TENM2: variants seen among roughly 807,000 people sequenced by gnomAD.
TENM2 encodes teneurin transmembrane protein 2.
Under a neutral mutation model 245.2 loss-of-function variants are expected in TENM2, and 52 were observed. That is an observed-to-expected ratio of 0.21 (90% CI 0.17 to 0.27). The LOEUF (loss-of-function observed/expected upper bound fraction) is 0.27, where lower values mean the gene tolerates loss of function less well. TENM2 is among the 10% of genes least tolerant of loss of function. The probability of loss-of-function intolerance (pLI) is 1.00; values close to 1 mark genes in which losing one functional copy is unlikely to be tolerated. For missense variants in TENM2, 3,046 were observed against 3,666.8 expected (o/e 0.83, Z 4.37); for synonymous variants, 1,363 against 1,438.9 (o/e 0.95, Z 1.19).
the TENM2 span, among the ~76,000 whole-genome samples, chr5:166,980,779 A>G: frequency 2.0e-5 from 3 of 152,196 alleles, no homozygotes; most frequent in African/African-American, 7.2e-5. Context: ...CTGTACATGT[A>G]TCATCATCCT....
At chr5:167,936,111 C>T (rs1236106945) in intron 3 of TENM2, among the ~76,000 whole-genome samples, 2 of 152,108 alleles carry the variant, frequency 1.3e-5, no homozygotes, top group Non-Finnish European at 2.9e-5. Context: ...GATGAAAAAC[C>T]GCCTTGTATG....
intron 2 of TENM2, among the ~76,000 whole-genome samples, chr5:167,466,390 C>A (rs1018126136): frequency 7.2e-5 from 11 of 152,172 alleles, no homozygotes; most frequent in Non-Finnish European, 8.8e-5. Context: ...CATAGTCCTA[C>A]AATGTCTAAT....
chr5:167,749,211 A>G (rs1170307128), intron 2 of TENM2, among the ~76,000 whole-genome samples: 5 of 152,240 alleles, frequency 3.3e-5, no homozygotes, highest in Admixed American at 3.3e-4. Flanking sequence ...TATACAAGGC[A>G]TTATACTAAG....
At chr5:168,177,291 T>A (rs1237063651) in intron 13 of TENM2, among the ~76,000 whole-genome samples, 7 of 152,224 alleles carry the variant, frequency 4.6e-5, no homozygotes, top group Non-Finnish European at 2.9e-5. Flanking sequence ...AACAAATGGT[T>A]ACTATACAAC....
At chr5:168,105,613 G>A (rs1416430857) in intron 9 of TENM2, among the ~76,000 whole-genome samples, 5 of 152,088 alleles carry the variant, frequency 3.3e-5, no homozygotes, top group Non-Finnish European at 5.9e-5. Context: ...CAGGGAATAC[G>A]GAGAAAATTC....
At chr5:167,330,693 A>G (rs1280485396) in intron 1 of TENM2, among the ~76,000 whole-genome samples, 1 of 152,204 alleles carries the variant, frequency 6.6e-6, no homozygotes, top group East Asian at 1.9e-4. Flanking sequence ...AGATGCTCCA[A>G]ATCTGAGGAT....
intron 2 of TENM2, among the ~76,000 whole-genome samples, chr5:167,640,760 A>G (rs2150246750): frequency 6.7e-6 from 1 of 148,460 alleles, no homozygotes; most frequent in East Asian, 2.0e-4. Context: ...AGATTCTGAC[A>G]CTGAAATTCC....
chr5:167,804,234 AT>A (rs1583051964), intron 2 of TENM2, among the ~76,000 whole-genome samples: 1 of 152,042 alleles, frequency 6.6e-6, no homozygotes, highest in African/African-American at 2.4e-5. Flanking sequence ...ATGTATTTAA[AT>A]TTATTTTTTC....
At chr5:168,154,547 G>A (rs376379476) in intron 12 of TENM2, among the ~76,000 whole-genome samples, 3 of 152,176 alleles carry the variant, frequency 2.0e-5, no homozygotes, top group African/African-American at 7.2e-5. Context: ...TTATTCAAAT[G>A]TGAAAGGATT....
intron 5 of TENM2, among the ~76,000 whole-genome samples, chr5:168,036,641 A>T (rs1323644661): frequency 7.4e-5 from 8 of 108,668 alleles, no homozygotes; most frequent in Middle Eastern, 4.3e-3. Flanking sequence ...CATCAAAAAA[A>T]AAATATATAT....
the TENM2 span, among the ~76,000 whole-genome samples, chr5:167,130,207 G>A: frequency 2.0e-5 from 3 of 152,124 alleles, no homozygotes; most frequent in Admixed American, 2.0e-4. Flanking sequence ...ACTATGTAAA[G>A]AATAATACAA....
intron 5 of TENM2, among the ~76,000 whole-genome samples, chr5:167,999,545 C>G (rs1394117397): frequency 6.6e-6 from 1 of 152,214 alleles, no homozygotes; most frequent in Admixed American, 6.5e-5. Context: ...CATTCATTAG[C>G]TAGGTCTCCA....
the TENM2 span, among the ~76,000 whole-genome samples, chr5:167,181,393 A>T: frequency 6.7e-6 from 1 of 148,974 alleles, no homozygotes; most frequent in Admixed American, 6.7e-5. Context: ...TTTTGAATCA[A>T]CACAAGTGTT....
intron 2 of TENM2, among the ~76,000 whole-genome samples, chr5:167,748,599 T>C (rs1761745740): frequency 6.6e-6 from 1 of 152,032 alleles, no homozygotes; most frequent in African/African-American, 2.4e-5. Flanking sequence ...GCTATTAAGA[T>C]ACTACCCAAG....
the TENM2 span, among the ~76,000 whole-genome samples, chr5:167,239,922 G>A: frequency 9.9e-5 from 15 of 152,080 alleles, no homozygotes; most frequent in Admixed American, 2.6e-4. Flanking sequence ...ACAGGCACGC[G>A]CCACCATGCT....
intron 3 of TENM2, among the ~76,000 whole-genome samples, chr5:167,929,073 G>GAAAGA (rs1253618432): frequency 9.2e-4 from 34 of 37,014 alleles, no homozygotes; most frequent in African/African-American, 5.0e-3. Flanking sequence ...AAGAAAGAAA[G>GAAAGA]AAAGAAAGAA....
the TENM2 span, among the ~76,000 whole-genome samples, chr5:167,039,080 ACT>A: frequency 1.3e-5 from 2 of 152,044 alleles, no homozygotes; most frequent in African/African-American, 4.8e-5. Flanking sequence ...TGGGAGAAAG[ACT>A]CTATTTAATT....
chr5:167,570,477 A>G (rs79322539), intron 2 of TENM2, among the ~76,000 whole-genome samples: 1,603 of 152,268 alleles, frequency 0.011, 34 homozygotes, highest in African/African-American at 0.037. Context: ...AGGCACTAAT[A>G]GAAAAGTATT....
At chr5:168,223,375 C>T (rs548256081) in intron 23 of TENM2, among the ~76,000 whole-genome samples, 8 of 152,122 alleles carry the variant, frequency 5.3e-5, no homozygotes, top group African/African-American at 1.2e-4. Flanking sequence ...CTAGACACCC[C>T]GTATCCAAAT....
Sources: gnomAD v4.1 joint callset for allele counts (sites outside exome capture counted in the v4.1 genomes callset) on GRCh38, gnomAD v4.1.1 for gene constraint, MANE v1.5 for transcripts, NCBI Gene and HGNC (gene_info 2026-07-23, HGNC 2026-07-21) for gene names.